The following TNFAIP3 variants were observed in gnomAD, a reference collection of about 807,000 sequenced individuals.
TNFAIP3 encodes tumor necrosis factor alpha-induced protein 3.
Under a neutral mutation model 72.4 loss-of-function variants are expected in TNFAIP3, and 9 were observed. That is an observed-to-expected ratio of 0.12 (90% CI 0.07 to 0.22). The LOEUF is 0.22. TNFAIP3 is among the 10% of genes least tolerant of loss of function. The pLI is 1.00. For synonymous variants in TNFAIP3, 339 were observed against 372.6 expected, an observed-to-expected ratio of 0.91 and a Z score of 1.04; for missense variants, 833 against 1,018.7, an observed-to-expected ratio of 0.82 and a Z score of 2.48.
In TNFAIP3 at chr6:137,878,747, G is replaced by C. The variant is rs61748667; in HGVS notation, c.1302G>C (p.Ala434=). ...KPGPEGLPGM[A]LGASRGEAYE... Reference sequence around the variant, plus strand: ...GCCCTGAGGGGCTCCCTGGCATGGCGCTCGGGGCCTCTCGGGGAGAAGCCT... The same window carrying C: ...GCCCTGAGGGGCTCCCTGGCATGGCCCTCGGGGCCTCTCGGGGAGAAGCCT... The change falls in exon 7 of 9, where the codon GCG becomes GCC. Residue 434 remains alanine, a synonymous_variant. Coordinates refer to ENST00000612899, the MANE Select transcript of TNFAIP3 (RefSeq NM_001270508.2). 2.7e-5 allele frequency: 43 copies of C among 1,613,928 alleles called. No homozygotes were observed. The highest frequency in any genetic ancestry group is 3.6e-5 in the Non-Finnish European group (42 of 1,180,014).
chr6:137,876,199 T>A (rs1776241426), intron 5 of TNFAIP3, 33 bp downstream of exon 5: 18 of 1,558,146 alleles, frequency 1.2e-5, no homozygotes, highest in Non-Finnish European at 1.6e-5. Context: ...CATCTATAAC[T>A]AGACACTGAA....
Position 137,871,538 on chromosome 6 carries a change from T to C in TNFAIP3, c.295+16T>C. 1 of 1,608,066 alleles carries C rather than the reference T, an allele frequency of 6.2e-7. No individual in the cohort carries two copies. The highest frequency in any genetic ancestry group is 8.5e-7 in the Non-Finnish European group (1 of 1,175,938). On this transcript the variant is annotated intron_variant, in intron 2 of 8. Transcript: ENST00000612899. This position sits in a 1 kb window ranked among gnomAD's most constrained non-coding sequence, Gnocchi z 4.2. ...AAAACGAACGGTAAGACTTGTTCTG[T>C]TGTGTTTCTTTTGCCTGGGTGATAG...
rs753319492 is a variant in TNFAIP3 at position 137,875,009 on chromosome 6, G to C, written c.460G>C (p.Glu154Gln). Reference protein sequence around the residue: ...LESLKSQEFVETGLCYDTRNW... With the variant: ...LESLKSQEFVQTGLCYDTRNW... The stretch of plus-strand genomic sequence containing the variant: ...GTCTCTCAAATCTCAGGAATTTGTT[G>C]AAACGGGGCTTTGCTATGATACTCG... The change falls in exon 3 of 9, where the codon GAA becomes CAA. Residue 154 changes from glutamate (E) to glutamine (Q), a missense_variant. Glu to Gln is a conservative substitution (Grantham distance 29). This residue lies in a region of TNFAIP3 where 246 missense variants were observed against 360.9 expected (regional missense o/e 0.68). Coordinates refer to ENST00000612899, the MANE Select transcript of TNFAIP3 (RefSeq NM_001270508.2). The C allele has an allele frequency of 6.2e-7, 1 of 1,614,188 alleles. No individual in the cohort carries two copies. The highest frequency in any genetic ancestry group is 8.5e-7 in the Non-Finnish European group (1 of 1,180,036).
In TNFAIP3 at chr6:137,881,180, C is replaced by T. The variant is rs892427607; in HGVS notation, c.2234C>T (p.Pro745Leu). The part of the protein sequence containing the change: ...ECQHPNQRMG[P>L]GAHRGEPAPE... ...CAGCATCCCAACCAGAGGATGGGCC[C>T]TGGGGCCCACCGGGGTGAGCCTGCC... The change falls in exon 9 of 9, where the codon CCT becomes CTT. Residue 745 changes from proline to leucine, a missense_variant. Physicochemically the swap from Pro to Leu is moderately conservative, Grantham distance 98 (BLOSUM62 -3). This residue lies in a region of TNFAIP3 where 587 missense variants were observed against 657.8 expected (regional missense o/e 0.89). Coordinates refer to ENST00000612899, the MANE Select transcript of TNFAIP3 (RefSeq NM_001270508.2). The surrounding 1 kb of genome is among the most constrained non-coding windows in gnomAD (Gnocchi z 5.0). The T allele has an allele frequency of 6.2e-6, 10 of 1,613,698 alleles. No homozygotes were observed. The African/African-American group carries it at 8.0e-5, about 13-fold the overall frequency.
Position 137,880,247 on chromosome 6 carries a change from C to A in TNFAIP3, c.2083C>A (p.Gln695Lys). Reference protein sequence around the residue: ...RFHEAKRTEEQLRSSQRRDVP... With the variant: ...RFHEAKRTEEKLRSSQRRDVP... Reference sequence around the variant, plus strand: ...TCATGAGGCCAAAAGGACAGAAGAGCAACTGGTGAGACACTTGGAGGAGCT... The same window carrying A: ...TCATGAGGCCAAAAGGACAGAAGAGAAACTGGTGAGACACTTGGAGGAGCT... The change falls in exon 8 of 9, where the codon CAA (glutamine) becomes AAA (lysine). Residue 695 changes from glutamine (Q) to lysine (K), a missense_variant. Coordinates refer to ENST00000612899, the MANE Select transcript of TNFAIP3 (RefSeq NM_001270508.2). The A allele has an allele frequency of 6.2e-7, 1 of 1,614,060 alleles. No individual in the cohort carries two copies. Among genetic ancestry groups the A allele is most frequent in the Non-Finnish European group, 8.5e-7 (1 of 1,180,002 alleles).
intron 7 of TNFAIP3, 28 bp from the exon 8 acceptor site, chr6:137,880,043 G>GT (rs1562273882): frequency 6.2e-7 from 1 of 1,611,396 alleles, no homozygotes; most frequent in Admixed American, 1.7e-5. Context: ...CCCCTATGTG[G>GT]TACTAACTAG....
chr6:137,878,503 A>T lies in TNFAIP3; in HGVS notation c.1058A>T (p.Tyr353Phe), dbSNP rs761577416. 1.9e-6 allele frequency: 3 copies of T among 1,614,282 alleles called. No homozygotes were observed. The South Asian group carries it at 3.3e-5, about 18-fold the overall frequency. The change falls in exon 7 of 9, where the codon TAC becomes TTC. Residue 353 changes from tyrosine to phenylalanine, a missense_variant. Around this residue, in one of 2 missense-constraint regions of TNFAIP3, gnomAD observed 587 missense variants for 657.8 expected, o/e 0.89. Coordinates refer to ENST00000612899, the MANE Select transcript of TNFAIP3 (RefSeq NM_001270508.2). ...TACTTTGAACTTGTTCAGCATGAGT[A>T]CAAGAAATGGCAGGAAAACAGCGAG... The part of the protein sequence containing the change: ...DDYFELVQHE[Y>F]KKWQENSEQG...
Position 137,875,707 on chromosome 6 carries a change from A to T in TNFAIP3, c.506A>T (p.Asp169Val). The change falls in exon 4 of 9, where the codon GAC (aspartate) becomes GTC (valine). Residue 169 changes from aspartate to valine, a missense_variant. Coordinates refer to ENST00000612899, the MANE Select transcript of TNFAIP3 (RefSeq NM_001270508.2). ...CCTTAGAACTGGAATGATGAATGGG[A>T]CAATCTTATCAAAATGGCTTCCACA... The part of the protein sequence containing the change: ...YDTRNWNDEW[D>V]NLIKMASTDT... 6.2e-7 allele frequency: 1 copy of T among 1,614,144 alleles called. No homozygotes were observed. Among genetic ancestry groups the T allele is most frequent in the Non-Finnish European group, 8.5e-7 (1 of 1,180,004 alleles).
chr6:137,875,628 C>A lies in TNFAIP3; in HGVS notation c.487-60C>A, dbSNP rs1433405532. 3.8e-6 allele frequency: 6 copies of A among 1,573,478 alleles called. No individual in the cohort carries two copies. The East Asian group carries it at 1.4e-4, about 35-fold the overall frequency. ...TAATTGTAGAGTGATGTCAGAATGA[C>A]TTTTTAGTACAGGGAGTACAGGATA... is the stretch of plus-strand genomic sequence containing the variant. On this transcript the variant is annotated intron_variant, in intron 3 of 8. Transcript: ENST00000612899.
chr6:137,875,132 T>A, intron 3 of TNFAIP3, 97 bp downstream of exon 3: 1 of 1,404,700 alleles, frequency 7.1e-7, no homozygotes, highest in Non-Finnish European at 9.9e-7. Context: ...TCTGATGGAC[T>A]AGGTCACATG....
At chr6:137,870,282 G>A (rs573690694) in intron 1 of TNFAIP3, among the ~76,000 whole-genome samples, 30 of 152,154 alleles carry the variant, frequency 2.0e-4, no homozygotes, top group Middle Eastern at 3.4e-3. Flanking sequence ...ATTATTTTGC[G>A]GTTTTTCATT....
Position 137,877,289 on chromosome 6 carries a change from C to T in TNFAIP3, c.986+33C>T, listed in dbSNP as rs368497064. On this transcript the variant is annotated intron_variant, in intron 6 of 8. Transcript: ENST00000612899. The stretch of plus-strand genomic sequence containing the variant: ...GTTTATGTTCAGCTCTCTCCTGTGT[C>T]ATCTGTAACTGTCTTTAACCTCAGC... 9.6e-6 allele frequency: 15 copies of T among 1,565,606 alleles called. No individual in the cohort carries two copies. The African/African-American group carries it at 1.9e-4, about 20-fold the overall frequency.
At chr6:137,875,585 C>A (rs1776219752) in intron 3 of TNFAIP3, 103 bp from the exon 4 acceptor site, 1 of 1,342,430 alleles carries the variant, frequency 7.4e-7, no homozygotes, top group Non-Finnish European at 1.0e-6. Flanking sequence ...AAAAAATAAG[C>A]TGAGTTATAT....
Position 137,881,043 on chromosome 6 carries a change from C to A in TNFAIP3, c.2097C>A (p.Ser699Arg). ...AKRTEEQLRSSQRRDVPRTTQ... is the reference protein window; with the variant it reads ...AKRTEEQLRSRQRRDVPRTTQ... ...CTGTTCTTTCCACTCAGAGATCGAG[C>A]CAGCGCAGAGATGTGCCTCGAACCA... Residue 699 changes from serine to arginine, a missense_variant, in exon 9 of 9, where the codon AGC (serine) becomes AGA (arginine). This residue lies in a region of TNFAIP3 where 587 missense variants were observed against 657.8 expected (regional missense o/e 0.89). Transcript: ENST00000612899. The surrounding 1 kb of genome is among the most constrained non-coding windows in gnomAD (Gnocchi z 5.0). The A allele has an allele frequency of 6.3e-7, 1 of 1,598,048 alleles. No homozygotes were observed.
In TNFAIP3 at chr6:137,879,339, A is replaced by G; in HGVS notation, c.1894A>G (p.Arg632Gly). 6.2e-7 allele frequency: 1 copy of G among 1,611,352 alleles called. No homozygotes were observed. Among genetic ancestry groups the G allele is most frequent in the Non-Finnish European group, 8.5e-7 (1 of 1,177,936 alleles). The change falls in exon 7 of 9, where the codon AGA (arginine) becomes GGA (glycine). Residue 632 changes from arginine to glycine, a missense_variant. This residue lies in a region of TNFAIP3 where 587 missense variants were observed against 657.8 expected (regional missense o/e 0.89). Coordinates refer to ENST00000612899, the MANE Select transcript of TNFAIP3 (RefSeq NM_001270508.2). ...TTGCACACTGTGTTTCATCGAGTAC[A>G]GAGAAAACAAACGTGAGTGAAGTGG... ...GFCTLCFIEYRENKHFAAASG... is the reference protein window; with the variant it reads ...GFCTLCFIEYGENKHFAAASG...
At chr6:137,875,596 A>G in intron 3 of TNFAIP3, 92 bp from the exon 4 acceptor site, 1 of 1,420,614 alleles carries the variant, frequency 7.0e-7, no homozygotes, top group South Asian at 1.3e-5. Context: ...TGAGTTATAT[A>G]AATGAATAAT....
chr6:137,874,268 G>A (rs963508270), intron 2 of TNFAIP3, among the ~76,000 whole-genome samples: 4 of 152,094 alleles, frequency 2.6e-5, no homozygotes, highest in Non-Finnish European at 5.9e-5. Context: ...TTGTCAATAC[G>A]ACTTTCCACA....
chr6:137,875,074 A>G (rs761292309), intron 3 of TNFAIP3, 39 bp downstream of exon 3: 14 of 1,610,778 alleles, frequency 8.7e-6, no homozygotes, highest in African/African-American at 1.3e-5. Flanking sequence ...ACAGAGCTCC[A>G]TGGTGGGCAT....
upstream of TNFAIP3, chr6:137,866,444 G>A (rs1775838975): frequency 6.6e-6 from 1 of 152,438 alleles, no homozygotes; most frequent in African/African-American, 2.4e-5. Context: ...CAAGCACCGT[G>A]ATGGACTAGA....
Sources: allele counts gnomAD v4.1 joint callset (sites outside exome capture counted in the v4.1 genomes callset), GRCh38; gene constraint gnomAD v4.1.1; regional missense constraint gnomAD v4.1.1; non-coding constraint Gnocchi (gnomAD v3.1); transcripts MANE v1.5; gene names NCBI Gene and HGNC (gene_info 2026-07-23, HGNC 2026-07-21).